Variants in HIVEP3 observed in about 807,000 individuals in gnomAD.
HIVEP3 encodes the protein transcription factor HIVEP3.
HIVEP3 carries 49 observed loss-of-function variants against 152.8 expected under a neutral mutation model. The observed-to-expected ratio is 0.32, with a 90% confidence interval of 0.26 to 0.41. HIVEP3 has a LOEUF of 0.41. HIVEP3 is among the 10% of genes least tolerant of loss of function. HIVEP3 has a pLI of 1.00. For synonymous variants in HIVEP3, 1,269 were observed against 1,289.0 expected (o/e 0.98, Z 0.33); for missense variants, 2,790 against 3,103.3 (o/e 0.90, Z 2.40).
intron 1 of HIVEP3, among the ~76,000 whole-genome samples, chr1:41,705,089 T>A (rs574043572): frequency 6.6e-6 from 1 of 152,216 alleles, no homozygotes; most frequent in African/African-American, 2.4e-5. Flanking sequence ...TGAACCCTCA[T>A]GACAATCCTG....
At chr1:41,636,085 G>C (rs371652303) in intron 2 of HIVEP3, among the ~76,000 whole-genome samples, 27 of 152,284 alleles carry the variant, frequency 1.8e-4, no homozygotes, top group African/African-American at 6.0e-4. Context: ...CATTGTTCTG[G>C]GCACTGGGAA....
At chr1:41,827,750 A>T (rs1225285000) in intron 1 of HIVEP3, among the ~76,000 whole-genome samples, 1 of 152,210 alleles carries the variant, frequency 6.6e-6, no homozygotes, top group Non-Finnish European at 1.5e-5. Context: ...AACATGAAGA[A>T]GATTTTTTTT....
rs149512047 is a variant in HIVEP3 at position 41,833,970 on chromosome 1, C to T, written c.-801+84443G>A. Among the ~76,000 whole-genome samples the T allele has an allele frequency of 4.2e-3, 635 of 152,280 alleles. 8 individuals carry two copies. Among genetic ancestry groups the T allele is most frequent in the South Asian group, 0.034 (163 of 4,830 alleles). On this transcript the variant is annotated intron_variant, in intron 1 of 8. Coordinates refer to ENST00000372583, the MANE Select transcript of HIVEP3 (RefSeq NM_024503.5). ...CCAGACTTGACCACCTGGTGTGACC[C>T]TAGCAAGGACCTCCCTCCTGCTCCC...
chr1:41,966,252 C>T (rs1285418214), intron 1 of HIVEP3, among the ~76,000 whole-genome samples: 7 of 152,024 alleles, frequency 4.6e-5, no homozygotes, highest in Admixed American at 1.3e-4. Flanking sequence ...AAAGGAAAAA[C>T]CATTACCAGC....
Position 41,581,798 on chromosome 1 carries a change from G to C in HIVEP3, c.3000C>G (p.Ser1000=). ...RSASEQSPNV[S]HSAHMTETRS... is the part of the protein sequence containing the mutation. ...GTGTCTCGGTCATGTGGGCAGAATG[G>C]GAAACGTTGGGGCTCTGCTCTGAGG... Residue 1000 remains serine, a synonymous_variant, in exon 4 of 9, where the codon TCC becomes TCG. Coordinates refer to ENST00000372583, the MANE Select transcript of HIVEP3 (RefSeq NM_024503.5). The surrounding 1 kb of genome is among the most constrained non-coding windows in gnomAD (Gnocchi z 4.5). 1 of 1,586,312 alleles carries C rather than the reference G, an allele frequency of 6.3e-7. No homozygotes were observed. Among genetic ancestry groups the C allele is most frequent in the Non-Finnish European group, 8.6e-7 (1 of 1,166,174 alleles).
intron 3 of HIVEP3, among the ~76,000 whole-genome samples, chr1:41,619,205 T>G (rs1645011954): frequency 6.6e-6 from 1 of 152,044 alleles, no homozygotes; most frequent in African/African-American, 2.4e-5. Context: ...TGCCTCCGCC[T>G]GGAATACTCT....
chr1:42,010,767 C>T (rs1321144026), intron 1 of HIVEP3, among the ~76,000 whole-genome samples: 1 of 152,136 alleles, frequency 6.6e-6, no homozygotes, highest in Non-Finnish European at 1.5e-5. Flanking sequence ...TTGCTCTATA[C>T]ACATCTTAGA....
At chr1:41,701,611 C>T (rs951119904) in intron 1 of HIVEP3, among the ~76,000 whole-genome samples, 4 of 152,280 alleles carry the variant, frequency 2.6e-5, no homozygotes, top group South Asian at 2.1e-4. Context: ...CTACCATTTT[C>T]GGTACAAGGA....
chr1:41,712,312 A>C (rs966630175), intron 1 of HIVEP3, among the ~76,000 whole-genome samples: 18 of 152,250 alleles, frequency 1.2e-4, no homozygotes, highest in Admixed American at 8.5e-4. Context: ...CATTCCGTAA[A>C]GATGCGCCCA....
chr1:41,845,461 C>A (rs1643417878), intron 1 of HIVEP3, among the ~76,000 whole-genome samples: 1 of 150,182 alleles, frequency 6.7e-6, no homozygotes, highest in Admixed American at 6.6e-5. Flanking sequence ...ACACACACGC[C>A]TCTTTCTGCC....
Position 41,784,751 on chromosome 1 carries a change from T to C in HIVEP3, c.-800-83756A>G, listed in dbSNP as rs889707912. On this transcript the variant is annotated intron_variant, in intron 1 of 8. Coordinates refer to ENST00000372583, the MANE Select transcript of HIVEP3 (RefSeq NM_024503.5). Reference sequence around the variant, plus strand: ...CTAGAATCAAGCCTTGTAAATTCTATTGTAGTCTTCTTACAACCACATCTC... The same window carrying C: ...CTAGAATCAAGCCTTGTAAATTCTACTGTAGTCTTCTTACAACCACATCTC... Among the ~76,000 whole-genome samples, 5 of 152,358 alleles carry C rather than the reference T, an allele frequency of 3.3e-5. 1 individual carries two copies. In the South Asian group the frequency reaches 8.3e-4, roughly 25 times the overall value.
At chr1:41,937,615 T>G (rs544893119) in intron 1 of HIVEP3, among the ~76,000 whole-genome samples, 7 of 152,212 alleles carry the variant, frequency 4.6e-5, no homozygotes, top group Non-Finnish European at 8.8e-5. Flanking sequence ...CCAATAATTT[T>G]TATTTTGATT....
chr1:41,629,587 AAAT>A lies in HIVEP3; in HGVS notation c.-720-643_-720-641del, dbSNP rs1316793296. Reference sequence around the variant, plus strand: ...TTAAACAATTCAACAAGCAAAAACCAAATAATCCCATTAAAAAGTAGGCAAAGG... The same window carrying A: ...TTAAACAATTCAACAAGCAAAAACCAAATCCCATTAAAAAGTAGGCAAAGG... On this transcript the variant is annotated intron_variant, in intron 2 of 8. Coordinates refer to ENST00000372583, the MANE Select transcript of HIVEP3 (RefSeq NM_024503.5). 2.0e-5 allele frequency among the ~76,000 whole-genome samples: 3 copies of A among 152,340 alleles called. No individual in the cohort carries two copies. In the East Asian group the frequency reaches 5.8e-4, roughly 29 times the overall value.
At chr1:41,784,140 G>A (rs958732796) in intron 1 of HIVEP3, among the ~76,000 whole-genome samples, 45 of 152,276 alleles carry the variant, frequency 3.0e-4, no homozygotes, top group African/African-American at 1.1e-3. Context: ...GGTTCCTGGG[G>A]GAAGCCCAGG....
chr1:41,547,359 G>A (rs1643827691), intron 5 of HIVEP3, among the ~76,000 whole-genome samples: 1 of 152,206 alleles, frequency 6.6e-6, no homozygotes, highest in Admixed American at 6.5e-5. Context: ...GGGTTTGGAA[G>A]GATAGCTGTT....
chr1:41,932,090 G>A (rs949511708), intron 1 of HIVEP3, among the ~76,000 whole-genome samples: 1 of 151,808 alleles, frequency 6.6e-6, no homozygotes, highest in African/African-American at 2.4e-5. Context: ...TTTTGTAGAT[G>A]CCCTTTTTGA....
intron 1 of HIVEP3, among the ~76,000 whole-genome samples, chr1:41,858,348 T>C (rs1643826538): frequency 6.6e-6 from 1 of 152,206 alleles, no homozygotes; most frequent in South Asian, 2.1e-4. Context: ...TGTGCACATT[T>C]GTTTATTTAT....
intron 1 of HIVEP3, among the ~76,000 whole-genome samples, chr1:41,779,605 C>T (rs906431125): frequency 1.3e-5 from 2 of 152,238 alleles, no homozygotes; most frequent in African/African-American, 2.4e-5. Flanking sequence ...AAGCGATTCT[C>T]CTACTTCGGC....
intron 1 of HIVEP3, among the ~76,000 whole-genome samples, chr1:41,820,101 T>C (rs2124340598): frequency 6.6e-6 from 1 of 152,298 alleles, no homozygotes; most frequent in African/African-American, 2.4e-5. Context: ...TCAAGCTTTT[T>C]ACTTGTGTTG....
Sources: allele counts gnomAD v4.1 joint callset (sites outside exome capture counted in the v4.1 genomes callset), GRCh38; gene constraint gnomAD v4.1.1; non-coding constraint Gnocchi (gnomAD v3.1); transcripts MANE v1.5; gene names NCBI Gene and HGNC (gene_info 2026-07-23, HGNC 2026-07-21).